The following KIRREL3 variants were observed in gnomAD, a reference collection of about 807,000 sequenced individuals.
KIRREL3 encodes kin of IRRE-like protein 3.
KIRREL3 carries 36 observed loss-of-function variants against 89.7 expected under a neutral mutation model. The ratio of observed to expected loss-of-function variants is 0.40; its 90% CI spans 0.31 to 0.53. The LOEUF is 0.53. KIRREL3 is among the 20% of genes least tolerant of loss of function. KIRREL3 has a pLI of 0.49. For missense variants in KIRREL3, 864 were observed against 1,056.6 expected (o/e 0.82, Z 2.53); for synonymous variants, 445 against 441.4 (o/e 1.01, Z -0.10).
chr11:126,633,202 C>T (rs1944119684), intron 1 of KIRREL3, among the ~76,000 whole-genome samples: 1 of 152,088 alleles, frequency 6.6e-6, no homozygotes, highest in Non-Finnish European at 1.5e-5. Flanking sequence ...AATCTGATTT[C>T]CCAACACACA....
intron 1 of KIRREL3, among the ~76,000 whole-genome samples, chr11:126,721,704 G>A (rs1266177936): frequency 6.6e-6 from 1 of 152,196 alleles, no homozygotes; most frequent in Admixed American, 6.5e-5. Flanking sequence ...AGAAGTCAGG[G>A]GATGAGCTTG....
rs55846012 is a variant in KIRREL3, at chr11:126,897,110, G to A, written c.55+103345C>T. On this transcript the variant is annotated intron_variant, in intron 1 of 16. Coordinates refer to ENST00000525144, the MANE Select transcript of KIRREL3 (RefSeq NM_032531.4). This position sits in a 1 kb window ranked among gnomAD's most constrained non-coding sequence, Gnocchi z 4.2. ...ATACGAAAGATCATCTCACGAATAC[G>A]GGCTACAAACAACTCCACAACTAAA... is the stretch of plus-strand genomic sequence containing the variant. 6.6e-6 allele frequency among the ~76,000 whole-genome samples: 1 copy of A among 151,992 alleles called. No individual in the cohort carries two copies. The highest frequency in any genetic ancestry group is 1.5e-5 in the Non-Finnish European group (1 of 68,012).
rs1944085267 is a variant in KIRREL3, at chr11:126,844,807, A to C, written c.55+155648T>G. Among the ~76,000 whole-genome samples, 1 of 152,148 alleles carries C rather than the reference A, an allele frequency of 6.6e-6. No individual in the cohort carries two copies. Among genetic ancestry groups the C allele is most frequent in the Admixed American group, 6.6e-5 (1 of 15,266 alleles). On this transcript the variant is annotated intron_variant, in intron 1 of 16. Transcript: ENST00000525144. The surrounding 1 kb of genome is among the most constrained non-coding windows in gnomAD (Gnocchi z 4.8). Reference sequence around the variant, plus strand: ...TTAAGCATGTATAGGATCTTGGGACATGGGGAGCTTTTTCCTCCCTAAAAA... The same window carrying C: ...TTAAGCATGTATAGGATCTTGGGACCTGGGGAGCTTTTTCCTCCCTAAAAA...
rs1943557744 is a variant in KIRREL3 at position 126,830,109 on chromosome 11, A to C, written c.55+170346T>G. On this transcript the variant is annotated intron_variant, in intron 1 of 16. Transcript: ENST00000525144. This position sits in a 1 kb window ranked among gnomAD's most constrained non-coding sequence, Gnocchi z 4.9. ...TTTGGTTGCCTTGCAAAAGAAAAAA[A>C]ACCCATCCCCTTACTGCTGGAAATC... Among the ~76,000 whole-genome samples the C allele has an allele frequency of 6.6e-6, 1 of 152,190 alleles. No individual in the cohort carries two copies. The highest frequency in any genetic ancestry group is 1.5e-5 in the Non-Finnish European group (1 of 68,034).
intron 16 of KIRREL3, among the ~76,000 whole-genome samples, chr11:126,425,261 G>A (rs368793042): frequency 2.2e-4 from 34 of 152,336 alleles, no homozygotes; most frequent in Admixed American, 6.5e-4. Flanking sequence ...GGGGAGGGAC[G>A]GCAAGGGTGA....
At position 126,652,725 on chromosome 11, in the gene KIRREL3, C is replaced by T. The variant is rs893236404; in HGVS notation, c.56-89813G>A. On this transcript the variant is annotated intron_variant, in intron 1 of 16. Transcript: ENST00000525144. The surrounding 1 kb of genome is among the most constrained non-coding windows in gnomAD (Gnocchi z 4.9). ...ACCCCATCACCTACCCTTACCCTTA[C>T]CACACCAAAGAGTTACTCTTTTTTG... is the stretch of plus-strand genomic sequence containing the variant. 3 of 152,192 alleles carry T rather than the reference C, an allele frequency of 2.0e-5. No individual in the cohort carries two copies. Among genetic ancestry groups the T allele is most frequent in the Non-Finnish European group, 4.4e-5 (3 of 68,042 alleles). 9.4% of individuals were successfully genotyped at this position (152,192 alleles called of 1,614,324 possible). A position where few individuals can be genotyped will look rare whatever the true frequency, so the allele number is the denominator to read the frequency against.
chr11:126,494,941 G>C (rs527342060), intron 4 of KIRREL3, among the ~76,000 whole-genome samples: 23 of 152,376 alleles, frequency 1.5e-4, no homozygotes, highest in Non-Finnish European at 2.5e-4. Context: ...AGGGATGCGG[G>C]TGGCGTGGGA....
At position 126,763,912 on chromosome 11, in the gene KIRREL3, C is replaced by T. The variant is rs1034483566; in HGVS notation, c.56-201000G>A. Among the ~76,000 whole-genome samples, 1 of 152,088 alleles carries T rather than the reference C, an allele frequency of 6.6e-6. No individual in the cohort carries two copies. The highest frequency in any genetic ancestry group is 1.5e-5 in the Non-Finnish European group (1 of 68,014). On this transcript the variant is annotated intron_variant, in intron 1 of 16. Coordinates refer to ENST00000525144, the MANE Select transcript of KIRREL3 (RefSeq NM_032531.4). This position sits in a 1 kb window ranked among gnomAD's most constrained non-coding sequence, Gnocchi z 4.7. ...TCAGTTGACATTCCCACTCTCTTACCTTCTGCCCCCTGAATTTTTCCTCTC... is the reference window on the plus strand; with the variant it reads ...TCAGTTGACATTCCCACTCTCTTACTTTCTGCCCCCTGAATTTTTCCTCTC...
Position 126,768,278 on chromosome 11 carries a change from TCATCCATC to T in KIRREL3, c.56-205374_56-205367del, listed in dbSNP as rs755322463. Among the ~76,000 whole-genome samples, 4 of 135,648 alleles carry T rather than the reference TCATCCATC, an allele frequency of 2.9e-5. No homozygotes were observed. The highest frequency in any genetic ancestry group is 2.2e-4 in the East Asian group (1 of 4,598). 89.0% of individuals were successfully genotyped at this position (135,648 alleles called of 152,430 possible). ...TGCATCCACCCATCCATCCATCCAT[TCATCCATC>T]CATCCATCCATCCATCCAATCTGTC... is the stretch of plus-strand genomic sequence containing the variant. On this transcript the variant is annotated intron_variant, in intron 1 of 16. Transcript: ENST00000525144. The surrounding 1 kb of genome is among the most constrained non-coding windows in gnomAD (Gnocchi z 4.5).
intron 1 of KIRREL3, among the ~76,000 whole-genome samples, chr11:126,803,471 A>G (rs533208005): frequency 2.0e-5 from 3 of 152,180 alleles, no homozygotes; most frequent in African/African-American, 7.2e-5. Flanking sequence ...AAAAATATAT[A>G]TTCTCTCAAT....
chr11:126,745,674 G>T (rs1259425675), intron 1 of KIRREL3, among the ~76,000 whole-genome samples: 1 of 152,198 alleles, frequency 6.6e-6, no homozygotes, highest in Non-Finnish European at 1.5e-5. Flanking sequence ...GTATCAGGTG[G>T]TCTAACCACT....
At chr11:126,460,723 G>A (rs1462141754) in intron 6 of KIRREL3, among the ~76,000 whole-genome samples, 1 of 152,216 alleles carries the variant, frequency 6.6e-6, no homozygotes, top group Non-Finnish European at 1.5e-5. Flanking sequence ...CTGTGGGCAT[G>A]AGTGCAGAAG....
At chr11:126,840,502 C>A (rs1684001716) in intron 1 of KIRREL3, among the ~76,000 whole-genome samples, 1 of 152,144 alleles carries the variant, frequency 6.6e-6, no homozygotes, top group South Asian at 2.1e-4. Flanking sequence ...TCCAAAAGGC[C>A]ACGCTTTCCC....
chr11:126,454,739 C>T lies in KIRREL3; in HGVS notation c.848+1610G>A, dbSNP rs1442536800. 2.0e-5 allele frequency among the ~76,000 whole-genome samples: 3 copies of T among 152,094 alleles called. No homozygotes were observed. The highest frequency in any genetic ancestry group is 4.4e-5 in the Non-Finnish European group (3 of 68,012). ...CAGACCACAGCCAAACCAGACTTGC[C>T]CCCTGGACCTGGCTGGACCCACATG... On this transcript the variant is annotated intron_variant, in intron 7 of 16. Coordinates refer to ENST00000525144, the MANE Select transcript of KIRREL3 (RefSeq NM_032531.4). This position sits in a 1 kb window ranked among gnomAD's most constrained non-coding sequence, Gnocchi z 5.8.
intron 1 of KIRREL3, among the ~76,000 whole-genome samples, chr11:126,884,378 CAT>C (rs1945621564): frequency 6.6e-6 from 1 of 152,186 alleles, no homozygotes. Context: ...CTCATGTTGA[CAT>C]AAAGTCAGCC....
rs1010887819 is a variant in KIRREL3, at chr11:126,565,358, C to T, written c.56-2446G>A. Among the ~76,000 whole-genome samples, 2 of 152,078 alleles carry T rather than the reference C, an allele frequency of 1.3e-5. No homozygotes were observed. Among genetic ancestry groups the T allele is most frequent in the African/African-American group, 4.8e-5 (2 of 41,406 alleles). On this transcript the variant is annotated intron_variant, in intron 1 of 16. Coordinates refer to ENST00000525144, the MANE Select transcript of KIRREL3 (RefSeq NM_032531.4). This position sits in a 1 kb window ranked among gnomAD's most constrained non-coding sequence, Gnocchi z 5.4. ...GTTATGATATAATAACTAAGAGTCT[C>T]ACTGATTATGTTTGATTTTTGCAAA...
chr11:126,539,341 G>A (rs1365666762), intron 2 of KIRREL3, among the ~76,000 whole-genome samples: 1 of 152,200 alleles, frequency 6.6e-6, no homozygotes, highest in Non-Finnish European at 1.5e-5. Context: ...GTCAGACCGT[G>A]TGGGCCCTTG....
intron 1 of KIRREL3, among the ~76,000 whole-genome samples, chr11:126,868,416 G>A (rs1944995310): frequency 6.6e-6 from 1 of 152,130 alleles, no homozygotes; most frequent in African/African-American, 2.4e-5. Flanking sequence ...CTTTGAGGGA[G>A]GGCCACGTCG....
At position 126,462,330 on chromosome 11, in the gene KIRREL3, G is replaced by A. The variant is rs894972088; in HGVS notation, c.742+827C>T. Among the ~76,000 whole-genome samples the A allele has an allele frequency of 2.6e-5, 4 of 152,114 alleles. No individual in the cohort carries two copies. Among genetic ancestry groups the A allele is most frequent in the East Asian group, 3.9e-4 (2 of 5,180 alleles). On this transcript the variant is annotated intron_variant, in intron 6 of 16. Transcript: ENST00000525144. The surrounding 1 kb of genome is among the most constrained non-coding windows in gnomAD (Gnocchi z 4.8). ...CCCTTTCGGTGCCTCAGTTTCCCACGGTAGGGACCACAGTTGCACCTTCTC... is the reference window on the plus strand; with the variant it reads ...CCCTTTCGGTGCCTCAGTTTCCCACAGTAGGGACCACAGTTGCACCTTCTC...
Sources: gnomAD v4.1 joint callset for allele counts (sites outside exome capture counted in the v4.1 genomes callset) on GRCh38, gnomAD v4.1.1 for gene constraint, Gnocchi (gnomAD v3.1) non-coding constraint, MANE v1.5 for transcripts, NCBI Gene and HGNC (gene_info 2026-07-23, HGNC 2026-07-21) for gene names.